The following PUS10 variants were observed in gnomAD, a reference collection of about 807,000 sequenced individuals.
The protein encoded by PUS10 is tRNA pseudouridine synthase Pus10.
In PUS10, 59 loss-of-function variants were observed where a neutral mutation model predicts 75.0. That is an observed-to-expected ratio of 0.79 (90% CI 0.64 to 0.98). The LOEUF is 0.98. Ranked by LOEUF, PUS10 falls within the 50% of genes least tolerant of loss-of-function variation. PUS10 has a pLI of 0.00. For missense variants in PUS10, 650 were observed against 614.4 expected (o/e 1.06, Z -0.61); for synonymous variants, 219 against 211.6 (o/e 1.03, Z -0.30).
In PUS10 at chr2:61,014,115, T is replaced by G. The variant is rs532705746; in HGVS notation, c.-15-2210A>C. Among the ~76,000 whole-genome samples, 623 of 152,272 alleles carry G rather than the reference T, an allele frequency of 4.1e-3. 3 individuals are homozygous for G. The highest frequency in any genetic ancestry group is 7.1e-3 in the Non-Finnish European group (484 of 68,026). ...AAGGTCAGGCGCAGTGGCTCACACC[T>G]GTAATCCCAGCACTTTGGGAAGCCG... On this transcript the variant is annotated intron_variant, in intron 1 of 17. Transcript: ENST00000316752.
Position 61,008,844 on chromosome 2 carries a change from C to T in PUS10, c.298G>A (p.Ala100Thr). The T allele has an allele frequency of 6.2e-7, 1 of 1,612,418 alleles. No homozygotes were observed. Among genetic ancestry groups the T allele is most frequent in the Non-Finnish European group, 8.5e-7 (1 of 1,178,804 alleles). The change falls in exon 3 of 18, where the codon GCT (alanine) becomes ACT (threonine). Residue 100 changes from alanine to threonine, a missense_variant. Physicochemically the swap from Ala to Thr is moderately conservative, Grantham distance 58 (BLOSUM62 0). Coordinates refer to ENST00000316752, the MANE Select transcript of PUS10 (RefSeq NM_144709.4). Reference sequence around the variant, plus strand: ...ACATTTAAATTTGAGTTCTTGGAAGCAGTGCTTCCAACATGACTAACAGAG... The same window carrying T: ...ACATTTAAATTTGAGTTCTTGGAAGTAGTGCTTCCAACATGACTAACAGAG... ...RISVSHVGST[A>T]SKNSNLNVCN...
chr2:60,968,323 T>C (rs1472503780), intron 5 of PUS10, among the ~76,000 whole-genome samples: 1 of 152,152 alleles, frequency 6.6e-6, no homozygotes, highest in Non-Finnish European at 1.5e-5. Context: ...TGTGGTATTA[T>C]TAAAACTCCT....
intron 14 of PUS10, 52 bp from the exon 15 acceptor site, chr2:60,953,166 A>C: frequency 1.0e-6 from 1 of 997,432 alleles, no homozygotes; most frequent in Non-Finnish European, 1.6e-6. Flanking sequence ...AATACAAAAA[A>C]ACCTTGCCCT....
intron 11 of PUS10, among the ~76,000 whole-genome samples, chr2:60,956,974 C>CAAAAAAAAAAAAAAAAAAAA (rs56804354): frequency 7.8e-4 from 15 of 19,252 alleles, no homozygotes; most frequent in African/African-American, 1.6e-3. Context: ...GACTCCATCT[C>CAAAAAAAAAAAAAAAAAAAA]AAAAAAAAAA....
intron 2 of PUS10, 24 bp downstream of exon 2, chr2:61,011,736 GAAAAA>G: frequency 6.1e-6 from 7 of 1,153,898 alleles, no homozygotes; most frequent in Middle Eastern, 2.3e-4. Flanking sequence ...CTCTTAATTT[GAAAAA>G]AAAAAAAAAA....
At chr2:61,001,185 C>T (rs974818974) in intron 4 of PUS10, among the ~76,000 whole-genome samples, 3 of 152,130 alleles carry the variant, frequency 2.0e-5, no homozygotes. Flanking sequence ...CTAAACATAA[C>T]TTTAAGTACA....
rs924370893 is a variant in PUS10 at position 60,944,938 on chromosome 2, CT to C, written c.1551+70del. On this transcript the variant is annotated intron_variant, in intron 17 of 17. Coordinates refer to ENST00000316752, the MANE Select transcript of PUS10 (RefSeq NM_144709.4). ...ATGGAGGTGGGTGATACTAAAATGG[CT>C]TAATGCCAAAGAGCATAACTTTGGT... 8 of 1,117,020 alleles carry C rather than the reference CT, an allele frequency of 7.2e-6. No homozygotes were observed. In the African/African-American group the frequency reaches 1.2e-4, roughly 17 times the overall value. The allele number at this position is 1,117,020 out of a possible 1,614,324, so 69.2% of individuals were successfully genotyped here. A position where few individuals can be genotyped will look rare whatever the true frequency, so the allele number is the denominator to read the frequency against.
At chr2:60,994,362 C>A (rs967492198) in intron 4 of PUS10, among the ~76,000 whole-genome samples, 1 of 149,676 alleles carries the variant, frequency 6.7e-6, no homozygotes, top group Admixed American at 6.7e-5. Flanking sequence ...ATCACACATA[C>A]ATGCATCAAT....
intron 4 of PUS10, among the ~76,000 whole-genome samples, chr2:60,988,511 A>C (rs1228308499): frequency 1.3e-5 from 2 of 152,250 alleles, no homozygotes; most frequent in Non-Finnish European, 2.9e-5. Context: ...TTAATGCAGT[A>C]AATACAAATA....
rs1313212062 is a variant in PUS10, at chr2:60,940,915, C to T, written c.*1480G>A. 6.6e-6 allele frequency: 1 copy of T among 152,266 alleles called. No individual in the cohort carries two copies. Among genetic ancestry groups the T allele is most frequent in the Non-Finnish European group, 1.5e-5 (1 of 68,002 alleles). 9.4% of individuals were successfully genotyped at this position (152,266 alleles called of 1,614,324 possible). A position where few individuals can be genotyped will look rare whatever the true frequency, so the allele number is the denominator to read the frequency against. ...TTGCATATCAAACACATGGTTTCAA[C>T]GTGGTATGAAACTATGTTGGTTCCA... On this transcript the variant is annotated 3_prime_UTR_variant, in exon 18 of 18. Coordinates refer to ENST00000316752, the MANE Select transcript of PUS10 (RefSeq NM_144709.4).
intron 4 of PUS10, among the ~76,000 whole-genome samples, chr2:60,987,697 C>T (rs1329832598): frequency 6.6e-6 from 1 of 152,112 alleles, no homozygotes; most frequent in Non-Finnish European, 1.5e-5. Context: ...CTGAAGCGGG[C>T]AGATCACTTG....
chr2:60,981,413 G>A (rs963658208), intron 4 of PUS10, among the ~76,000 whole-genome samples: 2 of 151,972 alleles, frequency 1.3e-5, no homozygotes, highest in African/African-American at 4.8e-5. Flanking sequence ...CTCCCAAGTA[G>A]CTGGGATTAC....
intron 5 of PUS10, 53 bp from the exon 6 acceptor site, chr2:60,967,666 T>C: frequency 8.1e-7 from 1 of 1,228,920 alleles, no homozygotes; most frequent in Non-Finnish European, 1.2e-6. Flanking sequence ...CTTTTTCTAT[T>C]AAAGGCAAGA....
At chr2:60,997,130 T>C (rs961868645) in intron 4 of PUS10, among the ~76,000 whole-genome samples, 6 of 152,286 alleles carry the variant, frequency 3.9e-5, no homozygotes, top group Admixed American at 3.9e-4. Flanking sequence ...TTACCTTTGA[T>C]AAGATAGAGT....
chr2:60,993,416 C>A (rs1678241910), intron 4 of PUS10, among the ~76,000 whole-genome samples: 1 of 151,626 alleles, frequency 6.6e-6, no homozygotes, highest in African/African-American at 2.4e-5. Context: ...GAGATCATGC[C>A]ACTGCACTCC....
At chr2:60,956,492 C>G (rs1169220969) in intron 11 of PUS10, among the ~76,000 whole-genome samples, 1 of 152,088 alleles carries the variant, frequency 6.6e-6, no homozygotes, top group Admixed American at 6.6e-5. Flanking sequence ...AATGAACAGG[C>G]CTCAAAGAAA....
intron 4 of PUS10, among the ~76,000 whole-genome samples, chr2:60,981,487 G>A (rs532441036): frequency 5.3e-5 from 8 of 151,916 alleles, no homozygotes; most frequent in Non-Finnish European, 1.0e-4. Context: ...TCACCATGTT[G>A]GCCAGGCTAG....
chr2:61,017,014 C>T (rs1680034200), intron 1 of PUS10: 1 of 152,328 alleles, frequency 6.6e-6, no homozygotes, highest in African/African-American at 2.4e-5. Context: ...CAAGCCCTTC[C>T]CCCTTCGGTC....
chr2:60,944,489 A>G (rs1674817565), intron 17 of PUS10, among the ~76,000 whole-genome samples: 1 of 152,196 alleles, frequency 6.6e-6, no homozygotes, highest in African/African-American at 2.4e-5. Flanking sequence ...CTCAACACCT[A>G]TTGATACTCA....
Sources: gnomAD v4.1 joint callset for allele counts (sites outside exome capture counted in the v4.1 genomes callset) on GRCh38, gnomAD v4.1.1 for gene constraint, MANE v1.5 for transcripts, NCBI Gene and HGNC (gene_info 2026-07-23, HGNC 2026-07-21) for gene names.